Variants in CNTN4 observed in about 807,000 individuals in gnomAD.
CNTN4 encodes contactin 4, also known as contactin-4.
Under a neutral mutation model 122.5 loss-of-function variants are expected in CNTN4, and 77 were observed. That is an observed-to-expected ratio of 0.63 (90% CI 0.52 to 0.76). CNTN4 has a LOEUF of 0.76. CNTN4 is among the 30% of genes least tolerant of loss of function. The pLI, the probability that CNTN4 is intolerant of heterozygous loss-of-function variation, is 0.00. For synonymous variants in CNTN4, 512 were observed against 447.0 expected, an observed-to-expected ratio of 1.15 and a Z score of -1.83; for missense variants, 1,256 against 1,259.1, an observed-to-expected ratio of 1.00 and a Z score of 0.04.
chr3:3,057,687 G>C lies in CNTN4; in HGVS notation c.*1467G>C, dbSNP rs1367645318. 1.3e-5 allele frequency: 2 copies of C among 152,314 alleles called. No homozygotes were observed. Among genetic ancestry groups the C allele is most frequent in the Non-Finnish European group, 2.9e-5 (2 of 67,980 alleles). The allele number at this position is 152,314 out of a possible 1,614,324, so 9.4% of individuals were successfully genotyped here. Reference sequence around the variant, plus strand: ...TATTTATCCAATAAAGTCATAATCGGGATTCCATTTGTGTAAAAACTAGGG... The same window carrying C: ...TATTTATCCAATAAAGTCATAATCGCGATTCCATTTGTGTAAAAACTAGGG... On this transcript the variant is annotated 3_prime_UTR_variant, in exon 25 of 25. Transcript: ENST00000418658.
At chr3:2,737,473 C>T (rs6780624) in intron 5 of CNTN4, among the ~76,000 whole-genome samples, 22,073 of 152,142 alleles carry the variant, frequency 0.15, 2,094 homozygotes, top group East Asian at 0.3. Context: ...CTCTGTTTTT[C>T]GTAGTGCTGG....
In CNTN4 at chr3:2,798,366, A is replaced by ATCTACCTACCT. The variant is rs57013365; in HGVS notation, c.359-21120_359-21119insTCTACCTACCT. On this transcript the variant is annotated intron_variant, in intron 6 of 24. Coordinates refer to ENST00000418658, the MANE Select transcript of CNTN4 (RefSeq NM_175607.3). Reference sequence around the variant, plus strand: ...TACATACTATATCTATACACACATAAATCTATCTATCTATCTATCTATCTA... The same window carrying ATCTACCTACCT: ...TACATACTATATCTATACACACATAATCTACCTACCTATCTATCTATCTATCTATCTATCTA... 1.1e-4 allele frequency among the ~76,000 whole-genome samples: 15 copies of ATCTACCTACCT among 135,464 alleles called. 1 individual carries two copies. In the East Asian group the frequency reaches 3.1e-3, roughly 28 times the overall value. The allele number at this position is 135,464 out of a possible 152,430, so 88.9% of individuals were successfully genotyped here.
At chr3:2,108,156 G>A (rs987227570) in intron 2 of CNTN4, among the ~76,000 whole-genome samples, 9 of 140,316 alleles carry the variant, frequency 6.4e-5, no homozygotes, top group African/African-American at 1.6e-4. Flanking sequence ...AACTTTTCAT[G>A]TGCCTTTTCT....
chr3:2,295,208 G>A lies in CNTN4; in HGVS notation c.-144-43970G>A, dbSNP rs541985290. Among the ~76,000 whole-genome samples, 125 of 142,190 alleles carry A rather than the reference G, an allele frequency of 8.8e-4. 1 individual carries two copies. Among genetic ancestry groups the A allele is most frequent in the Admixed American group, 8.3e-3 (116 of 14,028 alleles). 93.3% of individuals were successfully genotyped at this position (142,190 alleles called of 152,430 possible). ...GTATATACCCAGTAATGGGATGGCT[G>A]GGTGAAATGGTATTTCTAGTTCTAG... On this transcript the variant is annotated intron_variant, in intron 2 of 24. Transcript: ENST00000418658.
At chr3:2,443,104 G>C (rs893992533) in intron 3 of CNTN4, among the ~76,000 whole-genome samples, 1 of 150,988 alleles carries the variant, frequency 6.6e-6, no homozygotes, top group East Asian at 1.9e-4. Context: ...GTGTTTACCT[G>C]TGTAACAAAC....
At chr3:2,735,060 G>A (rs1375002761) in intron 4 of CNTN4, among the ~76,000 whole-genome samples, 2 of 152,118 alleles carry the variant, frequency 1.3e-5, no homozygotes, top group African/African-American at 4.8e-5. Context: ...GGTACCACAA[G>A]AGATACAAAA....
At chr3:2,576,060 C>T (rs1378175549) in intron 4 of CNTN4, among the ~76,000 whole-genome samples, 2 of 152,080 alleles carry the variant, frequency 1.3e-5, no homozygotes, top group East Asian at 1.9e-4. Flanking sequence ...TGGTCTCGAT[C>T]TCCTGACCTT....
intron 5 of CNTN4, among the ~76,000 whole-genome samples, chr3:2,737,438 T>C (rs1559448730): frequency 6.6e-6 from 1 of 152,212 alleles, no homozygotes; most frequent in Admixed American, 6.5e-5. Context: ...GAGATGATTG[T>C]TTCCTGAAAA....
In CNTN4 at chr3:2,959,415, G is replaced by A. The variant is rs189152042; in HGVS notation, c.1359-28930G>A. On this transcript the variant is annotated intron_variant, in intron 13 of 24. Transcript: ENST00000418658. ...CATTTCAGTATGATAAGACCATAAAGTCTTTAAGTCTCCACAGGTATTTAT... is the reference window on the plus strand; with the variant it reads ...CATTTCAGTATGATAAGACCATAAAATCTTTAAGTCTCCACAGGTATTTAT... Among the ~76,000 whole-genome samples, 1,137 of 152,100 alleles carry A rather than the reference G, an allele frequency of 7.5e-3. 8 individuals are homozygous for A. The highest frequency in any genetic ancestry group is 1.0e-2 in the Non-Finnish European group (678 of 68,004).
At chr3:2,743,642 A>G (rs2089591409) in intron 5 of CNTN4, among the ~76,000 whole-genome samples, 1 of 152,250 alleles carries the variant, frequency 6.6e-6, no homozygotes, top group Non-Finnish European at 1.5e-5. Flanking sequence ...TTAGTTAATT[A>G]AATTCAACCA....
intron 3 of CNTN4, among the ~76,000 whole-genome samples, chr3:2,488,964 A>C (rs1047395164): frequency 2.6e-5 from 4 of 152,264 alleles, no homozygotes; most frequent in African/African-American, 9.6e-5. Flanking sequence ...ATAATACAAT[A>C]GAGTCCAAAT....
intron 4 of CNTN4, among the ~76,000 whole-genome samples, chr3:2,702,843 T>C (rs1178790536): frequency 1.3e-5 from 2 of 152,212 alleles, no homozygotes. Flanking sequence ...TATGAAACCA[T>C]TAGAGATTTC....
intron 2 of CNTN4, among the ~76,000 whole-genome samples, chr3:2,301,141 A>G (rs1178491): frequency 0.44 from 66,626 of 152,062 alleles, 15,245 homozygotes; most frequent in East Asian, 0.6. Flanking sequence ...CAATAGCTGT[A>G]CAATAATAAT....
At chr3:2,522,272 C>T (rs2077249468) in intron 3 of CNTN4, among the ~76,000 whole-genome samples, 1 of 151,578 alleles carries the variant, frequency 6.6e-6, no homozygotes, top group African/African-American at 2.4e-5. Context: ...CCTTTTTATG[C>T]AAAGTTGCAA....
At chr3:2,504,774 C>A (rs1011653697) in intron 3 of CNTN4, among the ~76,000 whole-genome samples, 1 of 152,128 alleles carries the variant, frequency 6.6e-6, no homozygotes, top group Non-Finnish European at 1.5e-5. Flanking sequence ...TTCTTCAAAA[C>A]ATTTGAATTA....
rs148976442 is a variant in CNTN4, at chr3:2,141,344, G to T, written c.-145+40705G>T. On this transcript the variant is annotated intron_variant, in intron 2 of 24. Transcript: ENST00000418658. ...TTGTAAATGAAAGAGAGGGGCAGGA[G>T]TTGTGATTATGTGATTGCTGGCTTT... is the stretch of plus-strand genomic sequence containing the variant. Among the ~76,000 whole-genome samples, 35 of 152,268 alleles carry T rather than the reference G, an allele frequency of 2.3e-4. No individual in the cohort carries two copies. The East Asian group carries it at 4.8e-3, about 21-fold the overall frequency.
chr3:2,692,125 A>G (rs1480246357), intron 4 of CNTN4, among the ~76,000 whole-genome samples: 2 of 152,194 alleles, frequency 1.3e-5, no homozygotes, highest in African/African-American at 2.4e-5. Flanking sequence ...ACTTGGACCC[A>G]TGAGAAGTAT....
intron 10 of CNTN4, 138 bp from the exon 11 acceptor site, chr3:2,900,547 C>T (rs1386087479): frequency 5.3e-6 from 5 of 943,316 alleles, no homozygotes; most frequent in Non-Finnish European, 8.3e-6. Flanking sequence ...CTGAATGTCT[C>T]CCCAGTCTTG....
intron 6 of CNTN4, among the ~76,000 whole-genome samples, chr3:2,776,921 T>A (rs1368104439): frequency 6.6e-6 from 1 of 152,148 alleles, no homozygotes; most frequent in African/African-American, 2.4e-5. Context: ...GCATATAAAA[T>A]ACATTGAAAA....
Sources: allele counts gnomAD v4.1 joint callset (sites outside exome capture counted in the v4.1 genomes callset), GRCh38; gene constraint gnomAD v4.1.1; transcripts MANE v1.5; gene names NCBI Gene and HGNC (gene_info 2026-07-23, HGNC 2026-07-21).